GMDS: variants seen among roughly 807,000 people sequenced by gnomAD.
The protein encoded by GMDS is GDP-mannose 4,6-dehydratase.
A neutral mutation model predicts 49.9 loss-of-function variants in GMDS; 20 were observed. That is an observed-to-expected ratio of 0.40 (90% CI 0.28 to 0.58). The LOEUF (loss-of-function observed/expected upper bound fraction) is 0.58, where lower values mean the gene tolerates loss of function less well. Ranked by LOEUF, GMDS falls within the 20% of genes least tolerant of loss-of-function variation. GMDS has a pLI of 0.42. For synonymous variants in GMDS, 177 were observed against 178.6 expected, an observed-to-expected ratio of 0.99 and a Z score of 0.07; for missense variants, 362 against 481.4, an observed-to-expected ratio of 0.75 and a Z score of 2.32.
At chr6:2,188,135 G>C (rs2127566647) in intron 1 of GMDS, among the ~76,000 whole-genome samples, 1 of 152,352 alleles carries the variant, frequency 6.6e-6, no homozygotes, top group South Asian at 2.1e-4. Flanking sequence ...TGCCCACCGA[G>C]GAGGGGGACT....
intron 4 of GMDS, among the ~76,000 whole-genome samples, chr6:2,084,766 C>T (rs898284222): frequency 6.6e-6 from 1 of 152,162 alleles, no homozygotes; most frequent in African/African-American, 2.4e-5. Context: ...CTCAGCTTCC[C>T]AAAGTGCTGG....
At chr6:2,078,500 T>C (rs1021245170) in intron 4 of GMDS, among the ~76,000 whole-genome samples, 1 of 152,116 alleles carries the variant, frequency 6.6e-6, no homozygotes, top group African/African-American at 2.4e-5. Context: ...ATTTTTTAAC[T>C]TCCTTCTTAA....
At chr6:1,943,082 C>G (rs1200178978) in intron 6 of GMDS, among the ~76,000 whole-genome samples, 2 of 152,320 alleles carry the variant, frequency 1.3e-5, no homozygotes, top group African/African-American at 2.4e-5. Flanking sequence ...TCCTGTGTGC[C>G]CTGTCACCGG....
intron 10 of GMDS, 67 bp downstream of exon 10, chr6:1,624,405 C>G: frequency 1.4e-6 from 2 of 1,468,160 alleles, no homozygotes; most frequent in African/African-American, 1.4e-5. Context: ...GGCGCCCGAC[C>G]CTGAGAGCTG....
intron 9 of GMDS, among the ~76,000 whole-genome samples, chr6:1,636,242 A>G: frequency 6.6e-6 from 1 of 152,186 alleles, no homozygotes; most frequent in East Asian, 1.9e-4. Context: ...AGGGTGGCCT[A>G]GAGTGTGGGA....
intron 7 of GMDS, among the ~76,000 whole-genome samples, chr6:1,770,697 A>C (rs1768547479): frequency 1.3e-5 from 2 of 152,256 alleles, no homozygotes; most frequent in African/African-American, 4.8e-5. Context: ...TAGTAAACCA[A>C]AAATTTATAC....
At chr6:1,631,451 T>C (rs549389494) in intron 9 of GMDS, among the ~76,000 whole-genome samples, 1 of 152,150 alleles carries the variant, frequency 6.6e-6, no homozygotes, top group African/African-American at 2.4e-5. Context: ...TTAAGCTTGT[T>C]TCCTTCTAGT....
At chr6:1,952,886 C>G (rs552449464) in intron 6 of GMDS, among the ~76,000 whole-genome samples, 1 of 152,184 alleles carries the variant, frequency 6.6e-6, no homozygotes, top group Non-Finnish European at 1.5e-5. Flanking sequence ...CTTACTCAGG[C>G]TAAAGGTATC....
chr6:1,998,260 AGAGGATAAACAGCCCAT>A (rs1766420255), intron 4 of GMDS, among the ~76,000 whole-genome samples: 2 of 152,212 alleles, frequency 1.3e-5, no homozygotes. Flanking sequence ...AAAACTTCCA[AGAGGATAAACAGCCCAT>A]GAAATACCAG....
chr6:1,903,197 C>T (rs1206764389), intron 7 of GMDS, among the ~76,000 whole-genome samples: 1 of 152,202 alleles, frequency 6.6e-6, no homozygotes, highest in Non-Finnish European at 1.5e-5. Context: ...CTTTTCCCAA[C>T]TTCAGAATCA....
chr6:1,847,889 A>G (rs777505215), intron 7 of GMDS, among the ~76,000 whole-genome samples: 1 of 152,134 alleles, frequency 6.6e-6, no homozygotes, highest in Non-Finnish European at 1.5e-5. Flanking sequence ...TGTACTGTCT[A>G]ACGGGAAGAT....
intron 1 of GMDS, among the ~76,000 whole-genome samples, chr6:2,197,588 T>A (rs1272698332): frequency 1.3e-5 from 2 of 152,334 alleles, no homozygotes; most frequent in South Asian, 4.1e-4. Context: ...AAGGGAGCAC[T>A]GCACTAGAGA....
chr6:1,732,486 GAGA>G (rs1467193763), intron 8 of GMDS, among the ~76,000 whole-genome samples: 2 of 152,188 alleles, frequency 1.3e-5, no homozygotes, highest in South Asian at 2.1e-4. Context: ...GGGTCAAGGG[GAGA>G]AGAAGAGGGC....
rs554505721 is a variant in GMDS, at chr6:2,181,479, T to G, written c.103-56748A>C. Among the ~76,000 whole-genome samples, 12 of 152,308 alleles carry G rather than the reference T, an allele frequency of 7.9e-5. No individual in the cohort carries two copies. In the South Asian group the frequency reaches 1.4e-3, roughly 18 times the overall value. ...TTTGCTGTGCTACGTTTTATTGCAA[T>G]TCCCAGACACTGCTTTTTTTTAATA... On this transcript the variant is annotated intron_variant, in intron 1 of 10. Coordinates refer to ENST00000380815, the MANE Select transcript of GMDS (RefSeq NM_001500.4).
At chr6:2,182,458 G>A (rs1371702833) in intron 1 of GMDS, among the ~76,000 whole-genome samples, 2 of 152,236 alleles carry the variant, frequency 1.3e-5, no homozygotes, top group Non-Finnish European at 2.9e-5. Flanking sequence ...TTTCATAGCT[G>A]CAGAGATGTC....
chr6:1,715,587 T>C (rs1027098447), intron 9 of GMDS, among the ~76,000 whole-genome samples: 1 of 152,240 alleles, frequency 6.6e-6, no homozygotes, highest in African/African-American at 2.4e-5. Flanking sequence ...GTGCAGGGTC[T>C]TGTAACTAAT....
intron 7 of GMDS, among the ~76,000 whole-genome samples, chr6:1,758,854 C>G (rs553422632): frequency 2.6e-5 from 4 of 152,096 alleles, no homozygotes; most frequent in East Asian, 3.9e-4. Flanking sequence ...GTGGATCACC[C>G]GAGGTCAGGA....
intron 4 of GMDS, among the ~76,000 whole-genome samples, chr6:2,075,854 C>A (rs1214800506): frequency 6.6e-6 from 1 of 152,228 alleles, no homozygotes; most frequent in Non-Finnish European, 1.5e-5. Context: ...AATGGTTGAA[C>A]TAGTTCACAG....
chr6:1,900,253 G>A (rs914043893), intron 7 of GMDS, among the ~76,000 whole-genome samples: 10 of 152,160 alleles, frequency 6.6e-5, no homozygotes, highest in Non-Finnish European at 1.5e-4. Flanking sequence ...GGATGGCCAC[G>A]CAGGTAGAGG....
Sources: gnomAD v4.1 joint callset for allele counts (sites outside exome capture counted in the v4.1 genomes callset) on GRCh38, gnomAD v4.1.1 for gene constraint, MANE v1.5 for transcripts, NCBI Gene and HGNC (gene_info 2026-07-23, HGNC 2026-07-21) for gene names.